TMEM41B: variants seen among roughly 807,000 people sequenced by gnomAD.
TMEM41B encodes the protein protein stasimon.
A neutral mutation model predicts 31.9 loss-of-function variants in TMEM41B; 18 were observed. That is an observed-to-expected ratio of 0.56 (90% CI 0.39 to 0.84). TMEM41B has a LOEUF of 0.84. Ranked by LOEUF, TMEM41B falls within the 40% of genes least tolerant of loss-of-function variation. The pLI is 0.00. For missense variants in TMEM41B, 322 were observed against 348.0 expected (o/e 0.93, Z 0.59); for synonymous variants, 144 against 124.3 (o/e 1.16, Z -1.05).
At chr11:9,295,183 T>G (rs4396289) in intron 3 of TMEM41B, 76 bp downstream of exon 3, 3 of 1,298,608 alleles carry the variant, frequency 2.3e-6, no homozygotes, top group East Asian at 2.8e-5. Flanking sequence ...AAAATAGTTA[T>G]GTATAAATGA....
At chr11:9,292,031 A>G (rs1471495194) in intron 3 of TMEM41B, among the ~76,000 whole-genome samples, 1 of 152,142 alleles carries the variant, frequency 6.6e-6, no homozygotes, top group Non-Finnish European at 1.5e-5. Flanking sequence ...CATAAATATG[A>G]TACCATTGTC....
chr11:9,290,726 G>C (rs1280094033), intron 3 of TMEM41B, among the ~76,000 whole-genome samples: 1 of 151,966 alleles, frequency 6.6e-6, no homozygotes, highest in African/African-American at 2.4e-5. Flanking sequence ...CCCAAAATTT[G>C]GTGCAATTCC....
rs1852762601 is a variant in TMEM41B at position 9,283,281 on chromosome 11, T to C, written c.*143A>G. The C allele has an allele frequency of 3.1e-6, 2 of 650,406 alleles. No homozygotes were observed. The highest frequency in any genetic ancestry group is 5.0e-6 in the Non-Finnish European group (2 of 397,088). The allele number at this position is 650,406 out of a possible 1,614,324, so 40.3% of individuals were successfully genotyped here. On this transcript the variant is annotated 3_prime_UTR_variant, in exon 7 of 7. Coordinates refer to ENST00000528080, the MANE Select transcript of TMEM41B (RefSeq NM_015012.4). ...TTCTTCTCCCCTTGTCACTTAAATG[T>C]ATTACTTTAACTATCTGATAGGAAA...
intron 2 of TMEM41B, among the ~76,000 whole-genome samples, chr11:9,296,646 C>T (rs898209912): frequency 2.0e-5 from 3 of 150,100 alleles, no homozygotes; most frequent in African/African-American, 7.4e-5. Flanking sequence ...AAAAGAACCA[C>T]TGATGTTAGT....
chr11:9,287,811 A>G lies in TMEM41B; in HGVS notation c.463-5T>C. On this transcript the variant is annotated splice_region_variant and splice_polypyrimidine_tract_variant and intron_variant, in intron 4 of 6. Coordinates refer to ENST00000528080, the MANE Select transcript of TMEM41B (RefSeq NM_015012.4). ...AGAGGCACCAAGTCCAGAACACTGGAAAACAAAAGAAGCCATAAGCGTTTT... is the reference window on the plus strand; with the variant it reads ...AGAGGCACCAAGTCCAGAACACTGGGAAACAAAAGAAGCCATAAGCGTTTT... The G allele has an allele frequency of 6.3e-7, 1 of 1,596,682 alleles. No homozygotes were observed. Among genetic ancestry groups the G allele is most frequent in the Non-Finnish European group, 8.6e-7 (1 of 1,169,478 alleles).
intron 1 of TMEM41B, among the ~76,000 whole-genome samples, chr11:9,303,817 G>A (rs1231433240): frequency 6.6e-6 from 1 of 151,624 alleles, no homozygotes; most frequent in African/African-American, 2.4e-5. Context: ...ACAGGCACAC[G>A]CCACGAGGAT....
At chr11:9,302,623 T>A (rs148758074) in intron 1 of TMEM41B, among the ~76,000 whole-genome samples, 1 of 99,368 alleles carries the variant, frequency 1.0e-5, no homozygotes, top group Non-Finnish European at 2.2e-5. Flanking sequence ...GTTGAACACA[T>A]AGAGAAATAG....
chr11:9,286,443 C>T lies in TMEM41B; in HGVS notation c.706+12G>A, dbSNP rs2133610079. Reference sequence around the variant, plus strand: ...CAGTGAGCTCATACACAGCAAGAACCAGAGGGCTTACCTAGAAAAGTACCA... The same window carrying T: ...CAGTGAGCTCATACACAGCAAGAACTAGAGGGCTTACCTAGAAAAGTACCA... On this transcript the variant is annotated intron_variant, in intron 6 of 6. Coordinates refer to ENST00000528080, the MANE Select transcript of TMEM41B (RefSeq NM_015012.4). 1.2e-6 allele frequency: 2 copies of T among 1,605,276 alleles called. No homozygotes were observed. Among genetic ancestry groups the T allele is most frequent in the East Asian group, 4.5e-5 (2 of 44,802 alleles).
intron 2 of TMEM41B, among the ~76,000 whole-genome samples, chr11:9,297,629 T>G (rs551995571): frequency 6.6e-6 from 1 of 152,148 alleles, no homozygotes; most frequent in South Asian, 2.1e-4. Context: ...AGGTGGGGGC[T>G]GCAGTAAGCC....
chr11:9,292,950 G>A (rs1444107478), intron 3 of TMEM41B, among the ~76,000 whole-genome samples: 2 of 152,112 alleles, frequency 1.3e-5, no homozygotes, highest in African/African-American at 4.8e-5. Flanking sequence ...ATCCTAATGA[G>A]TGTGAGGTTG....
intron 1 of TMEM41B, among the ~76,000 whole-genome samples, chr11:9,312,895 C>A (rs1853594568): frequency 8.3e-6 from 1 of 120,352 alleles, no homozygotes; most frequent in East Asian, 2.4e-4. Flanking sequence ...CAGACCGAGA[C>A]TCCGTCTCAA....
intron 4 of TMEM41B, chr11:9,288,113 C>T (rs1280453464): frequency 8.8e-6 from 3 of 340,090 alleles, no homozygotes; most frequent in Non-Finnish European, 1.5e-5. Flanking sequence ...ACCCTACCCC[C>T]GACCCCCCCA....
At chr11:9,291,704 C>CT (rs999879158) in intron 3 of TMEM41B, among the ~76,000 whole-genome samples, 55 of 146,918 alleles carry the variant, frequency 3.7e-4, no homozygotes, top group African/African-American at 1.4e-3. Context: ...CGGCCAATTC[C>CT]TTTTTTTTTC....
At position 9,288,511 on chromosome 11, in the gene TMEM41B, G is replaced by A; in HGVS notation, c.393C>T (p.Gly131=). Residue 131 remains glycine (G), a synonymous_variant, in exon 4 of 7, where the codon GGC becomes GGT. Coordinates refer to ENST00000528080, the MANE Select transcript of TMEM41B (RefSeq NM_015012.4). ...CTGAGAGTATACTGAGAAATATAGA[G>A]CCTGGAATAGCAAATGTTTGCAAGC... ...YIFLQTFAIP[G]SIFLSILSGF... 3 of 1,583,670 alleles carry A rather than the reference G, an allele frequency of 1.9e-6. No homozygotes were observed. The highest frequency in any genetic ancestry group is 2.6e-6 in the Non-Finnish European group (3 of 1,167,632).
chr11:9,309,418 T>G (rs997014450), intron 1 of TMEM41B, among the ~76,000 whole-genome samples: 5 of 151,600 alleles, frequency 3.3e-5, no homozygotes, highest in African/African-American at 1.2e-4. Flanking sequence ...TTCTGATACA[T>G]AATACCTGGG....
At chr11:9,289,373 T>TC (rs1852904718) in intron 3 of TMEM41B, among the ~76,000 whole-genome samples, 1 of 152,032 alleles carries the variant, frequency 6.6e-6, no homozygotes, top group Non-Finnish European at 1.5e-5. Flanking sequence ...TGAACCTTTT[T>TC]CCCCTCTAAT....
intron 6 of TMEM41B, among the ~76,000 whole-genome samples, chr11:9,285,080 C>T (rs1434160856): frequency 2.8e-5 from 4 of 144,520 alleles, no homozygotes; most frequent in Non-Finnish European, 6.0e-5. Context: ...TTCATTCTTT[C>T]CTTCTTTCTT....
chr11:9,289,610 A>C (rs915875057), intron 3 of TMEM41B, among the ~76,000 whole-genome samples: 1 of 152,204 alleles, frequency 6.6e-6, no homozygotes, highest in African/African-American at 2.4e-5. Context: ...CAACCAGGGT[A>C]TCCTATCCAG....
At chr11:9,309,154 G>A (rs181320626) in intron 1 of TMEM41B, among the ~76,000 whole-genome samples, 1 of 152,274 alleles carries the variant, frequency 6.6e-6, no homozygotes, top group East Asian at 1.9e-4. Context: ...GGCTGAGGCG[G>A]AGAATCGCTT....
Sources: allele counts gnomAD v4.1 joint callset (sites outside exome capture counted in the v4.1 genomes callset), GRCh38; gene constraint gnomAD v4.1.1; transcripts MANE v1.5; gene names NCBI Gene and HGNC (gene_info 2026-07-23, HGNC 2026-07-21).